CNST: variants seen among roughly 807,000 people sequenced by gnomAD.
CNST encodes consortin.
A neutral mutation model predicts 72.4 loss-of-function variants in CNST; 39 were observed. That is an observed-to-expected ratio of 0.54 (90% CI 0.42 to 0.70). The LOEUF (loss-of-function observed/expected upper bound fraction) is 0.70. CNST is among the 30% of genes least tolerant of loss of function. The pLI is 0.00. For synonymous variants in CNST, 332 were observed against 320.1 expected, an observed-to-expected ratio of 1.04 and a Z score of -0.40; for missense variants, 871 against 868.5, an observed-to-expected ratio of 1.00 and a Z score of -0.04.
intron 2 of CNST, among the ~76,000 whole-genome samples, chr1:246,614,705 C>T (rs1238126988): frequency 6.6e-6 from 1 of 152,126 alleles, no homozygotes; most frequent in South Asian, 2.1e-4. Flanking sequence ...CTCTTGACCT[C>T]GTGATCTGCC....
intron 2 of CNST, among the ~76,000 whole-genome samples, chr1:246,612,608 C>T (rs1204319776): frequency 6.6e-6 from 1 of 152,092 alleles, no homozygotes; most frequent in African/African-American, 2.4e-5. Context: ...CATAACAGGT[C>T]AGGCGCAGTG....
chr1:246,664,644 T>C (rs918203752), intron 10 of CNST, among the ~76,000 whole-genome samples: 3 of 151,738 alleles, frequency 2.0e-5, no homozygotes, highest in African/African-American at 7.2e-5. Context: ...GCCAGGATGG[T>C]CTCGATCTCC....
At chr1:246,585,961 T>G (rs1029818173) in intron 1 of CNST, among the ~76,000 whole-genome samples, 1 of 151,632 alleles carries the variant, frequency 6.6e-6, no homozygotes, top group Non-Finnish European at 1.5e-5. Context: ...GCACCTGTAG[T>G]CCCAGCTATT....
chr1:246,590,418 C>G (rs2103024145), intron 1 of CNST, among the ~76,000 whole-genome samples: 1 of 152,282 alleles, frequency 6.6e-6, no homozygotes, highest in African/African-American at 2.4e-5. Flanking sequence ...TATCTTACTT[C>G]TGTTTCTTTC....
chr1:246,615,221 G>C (rs533845187), intron 2 of CNST, among the ~76,000 whole-genome samples: 2 of 152,234 alleles, frequency 1.3e-5, no homozygotes. Context: ...TGTCACCCAG[G>C]CTGGAGCGCA....
intron 2 of CNST, chr1:246,607,171 T>C (rs1055617148): frequency 5.9e-5 from 9 of 151,918 alleles, no homozygotes; most frequent in African/African-American, 1.9e-4. Context: ...ATGCACGCCG[T>C]CCCTCTTACT....
At chr1:246,622,455 C>T (rs1664157241) in intron 3 of CNST, among the ~76,000 whole-genome samples, 1 of 152,132 alleles carries the variant, frequency 6.6e-6, no homozygotes, top group East Asian at 1.9e-4. Context: ...GTTTTCCAGG[C>T]TTATTAGGCG....
At position 246,566,604 on chromosome 1, in the gene CNST, G is replaced by A. The variant is rs1572097061; in HGVS notation, c.-111G>A. ...AGCACGTCGGCCGCCATGTCGCCGAGTGGGGCTGGAAACAGACCCGGCGCC... is the reference window on the plus strand; with the variant it reads ...AGCACGTCGGCCGCCATGTCGCCGAATGGGGCTGGAAACAGACCCGGCGCC... On this transcript the variant is annotated 5_prime_UTR_variant, in exon 1 of 11. The change creates a new upstream start codon in the 5' untranslated region. Coordinates refer to ENST00000366513, the MANE Select transcript of CNST (RefSeq NM_152609.3). 2.5e-6 allele frequency: 1 copy of A among 404,844 alleles called. No homozygotes were observed. The highest frequency in any genetic ancestry group is 4.4e-6 in the Non-Finnish European group (1 of 228,840). The allele number at this position is 404,844 out of a possible 1,614,324, so 25.1% of individuals were successfully genotyped here. A position where few individuals can be genotyped will look rare whatever the true frequency, so the allele number is the denominator to read the frequency against.
chr1:246,574,630 C>G (rs1197843447), intron 1 of CNST, among the ~76,000 whole-genome samples: 2 of 151,892 alleles, frequency 1.3e-5, no homozygotes, highest in African/African-American at 4.8e-5. Context: ...TGTGTTGCCC[C>G]AGCTGGTCTA....
In CNST at chr1:246,633,942, T is replaced by G; in HGVS notation, c.635T>G (p.Phe212Cys). Residue 212 changes from phenylalanine to cysteine, a missense_variant, in exon 5 of 11, where the codon TTC (phenylalanine) becomes TGC (cysteine). Phe to Cys is a radical substitution (Grantham distance 205). Coordinates refer to ENST00000366513, the MANE Select transcript of CNST (RefSeq NM_152609.3). ...QEEDYEKAMK[F>C]IQLERLYHEQ... is the part of the protein sequence containing the mutation. The stretch of plus-strand genomic sequence containing the variant: ...TATTCAGATGAGAAAGCAATGAAAT[T>G]CATTCAGCTAGAACGATTGTATCAT... 1 of 1,610,808 alleles carries G rather than the reference T, an allele frequency of 6.2e-7. No individual in the cohort carries two copies. Among genetic ancestry groups the G allele is most frequent in the Non-Finnish European group, 8.5e-7 (1 of 1,177,076 alleles).
intron 1 of CNST, among the ~76,000 whole-genome samples, chr1:246,575,900 TACTG>T (rs1305533893): frequency 6.6e-6 from 1 of 152,082 alleles, no homozygotes; most frequent in Non-Finnish European, 1.5e-5. Context: ...TCAAGAACAA[TACTG>T]ACACTTTAAA....
At chr1:246,655,229 G>T (rs187941744) in intron 9 of CNST, among the ~76,000 whole-genome samples, 3 of 151,984 alleles carry the variant, frequency 2.0e-5, no homozygotes, top group East Asian at 3.9e-4. Flanking sequence ...TTTTTTAAAG[G>T]CTTTTTCCTT....
chr1:246,622,643 T>A (rs1296934023), intron 3 of CNST, among the ~76,000 whole-genome samples: 1 of 152,142 alleles, frequency 6.6e-6, no homozygotes, highest in East Asian at 1.9e-4. Flanking sequence ...TGAATCACAT[T>A]TGCATTTTAG....
At chr1:246,583,170 A>G (rs969857719) in intron 1 of CNST, among the ~76,000 whole-genome samples, 11 of 152,098 alleles carry the variant, frequency 7.2e-5, no homozygotes, top group African/African-American at 2.7e-4. Flanking sequence ...GGTGGTTATG[A>G]GTGCTTTCAT....
intron 1 of CNST, among the ~76,000 whole-genome samples, chr1:246,583,562 T>A (rs775881739): frequency 2.0e-5 from 3 of 152,238 alleles, no homozygotes; most frequent in Non-Finnish European, 4.4e-5. Context: ...TCTGTCTCTC[T>A]CTTGCCTCAT....
At chr1:246,570,032 G>T in intron 1 of CNST, 1 of 420,676 alleles carries the variant, frequency 2.4e-6, no homozygotes, top group Middle Eastern at 1.2e-3. Flanking sequence ...TTATATCATG[G>T]TGTTTCTTAC....
chr1:246,634,620 GGAGTA>G (rs762262535), intron 6 of CNST, 33 bp downstream of exon 6: 1 of 1,167,394 alleles, frequency 8.6e-7, no homozygotes, highest in Non-Finnish European at 1.3e-6. Flanking sequence ...AGAATGAGTT[GGAGTA>G]GAATATTGAA....
intron 2 of CNST, among the ~76,000 whole-genome samples, chr1:246,619,176 T>C (rs1663890412): frequency 6.6e-6 from 1 of 151,986 alleles, no homozygotes; most frequent in Non-Finnish European, 1.5e-5. Context: ...ACACTAATTC[T>C]CTTAGTTTCT....
intron 3 of CNST, among the ~76,000 whole-genome samples, chr1:246,626,561 G>C (rs1664453436): frequency 6.7e-6 from 1 of 149,386 alleles, no homozygotes; most frequent in Non-Finnish European, 1.5e-5. Flanking sequence ...GAGTTCAGGT[G>C]ATCTCCTGTC....
Sources: allele counts gnomAD v4.1 joint callset (sites outside exome capture counted in the v4.1 genomes callset), GRCh38; gene constraint gnomAD v4.1.1; transcripts MANE v1.5; gene names NCBI Gene and HGNC (gene_info 2026-07-23, HGNC 2026-07-21).